The following OSBPL1A variants were observed in gnomAD, a reference collection of about 807,000 sequenced individuals.
OSBPL1A encodes oxysterol binding protein like 1A, also known as oxysterol-binding protein-related protein 1.
A neutral mutation model predicts 137.1 loss-of-function variants in OSBPL1A; 80 were observed. The observed-to-expected ratio is 0.58, with a 90% CI of 0.49 to 0.70. The LOEUF (loss-of-function observed/expected upper bound fraction) is 0.70, where lower values mean the gene tolerates loss of function less well. Among genes scored for constraint, OSBPL1A ranks in the 30% least tolerant of loss-of-function variants. The probability of loss-of-function intolerance (pLI) is 0.00; values close to 1 mark genes in which losing one functional copy is unlikely to be tolerated. For synonymous variants in OSBPL1A, 365 were observed against 389.7 expected (o/e 0.94, Z 0.75); for missense variants, 970 against 1,129.4 (o/e 0.86, Z 2.02).
At position 24,292,630 on chromosome 18, in the gene OSBPL1A, C is replaced by T. The variant is rs373141240; in HGVS notation, c.1174+11007G>A. 1.1e-4 allele frequency among the ~76,000 whole-genome samples: 16 copies of T among 152,224 alleles called. No individual in the cohort carries two copies. The South Asian group carries it at 2.9e-3, about 28-fold the overall frequency. ...CGGCAAACAGGTAAAAATCCCTGCC[C>T]TGAAGTTTATACCACGGTGGGAAAG... On this transcript the variant is annotated intron_variant, in intron 14 of 27. Coordinates refer to ENST00000319481, the MANE Select transcript of OSBPL1A (RefSeq NM_080597.4).
chr18:24,253,169 G>T (rs551191429), intron 15 of OSBPL1A, among the ~76,000 whole-genome samples: 2 of 141,758 alleles, frequency 1.4e-5, no homozygotes, highest in African/African-American at 5.1e-5. Context: ...AGACATGGCG[G>T]GGGGGGGCGC....
At chr18:24,380,746 G>A (rs1464963519) in intron 1 of OSBPL1A, among the ~76,000 whole-genome samples, 1 of 152,176 alleles carries the variant, frequency 6.6e-6, no homozygotes, top group Non-Finnish European at 1.5e-5. Flanking sequence ...GAGGTCAGGA[G>A]TTCGAGACCA....
At chr18:24,277,296 A>G (rs890315581) in intron 15 of OSBPL1A, among the ~76,000 whole-genome samples, 12 of 152,040 alleles carry the variant, frequency 7.9e-5, no homozygotes, top group African/African-American at 2.9e-4. Flanking sequence ...TAAAAAAAAA[A>G]GAAAAGAAAT....
chr18:24,346,188 C>G (rs1056999266), intron 4 of OSBPL1A, among the ~76,000 whole-genome samples: 3 of 152,172 alleles, frequency 2.0e-5, no homozygotes, highest in Non-Finnish European at 4.4e-5. Context: ...CCACTTTCCG[C>G]TCAGCAGTCA....
At chr18:24,300,715 A>C (rs1172180244) in intron 14 of OSBPL1A, among the ~76,000 whole-genome samples, 3 of 152,236 alleles carry the variant, frequency 2.0e-5, no homozygotes, top group African/African-American at 7.2e-5. Context: ...AACAATTACA[A>C]CTATAAGCTC....
intron 1 of OSBPL1A, among the ~76,000 whole-genome samples, chr18:24,391,159 A>C (rs1324364256): frequency 6.6e-6 from 1 of 152,200 alleles, no homozygotes; most frequent in Non-Finnish European, 1.5e-5. Context: ...CCTGGAATAC[A>C]TCATGCTAAG....
intron 4 of OSBPL1A, among the ~76,000 whole-genome samples, chr18:24,345,131 A>G (rs914416321): frequency 2.0e-5 from 3 of 148,564 alleles, no homozygotes; most frequent in African/African-American, 7.7e-5. Context: ...AAGAATGTTT[A>G]AAAAAAAATA....
At chr18:24,352,513 G>C (rs962562847) in intron 4 of OSBPL1A, among the ~76,000 whole-genome samples, 1 of 152,124 alleles carries the variant, frequency 6.6e-6, no homozygotes, top group Admixed American at 6.5e-5. Context: ...TAGATTCAAT[G>C]CCATCCCCAT....
intron 19 of OSBPL1A, 61 bp from the exon 20 acceptor site, chr18:24,179,896 G>T (rs770598147): frequency 2.6e-4 from 360 of 1,383,448 alleles, no homozygotes; most frequent in Non-Finnish European, 3.2e-4. Context: ...ATTCTTTTAG[G>T]AACTGAAATT....
intron 1 of OSBPL1A, among the ~76,000 whole-genome samples, chr18:24,390,864 T>C (rs1907303504): frequency 6.6e-6 from 1 of 151,400 alleles, no homozygotes; most frequent in South Asian, 2.1e-4. Flanking sequence ...CTTTGGGAAG[T>C]TGAGGTGGGC....
intron 14 of OSBPL1A, among the ~76,000 whole-genome samples, chr18:24,281,274 CG>C (rs1450981984): frequency 1.3e-5 from 2 of 151,936 alleles, no homozygotes; most frequent in South Asian, 2.1e-4. Flanking sequence ...TTAGTAGAGA[CG>C]GGGATTCACC....
intron 14 of OSBPL1A, among the ~76,000 whole-genome samples, chr18:24,294,363 C>T (rs1216267428): frequency 6.6e-6 from 1 of 151,980 alleles, no homozygotes; most frequent in Non-Finnish European, 1.5e-5. Flanking sequence ...TCCTGAGTAG[C>T]GGGGATTACA....
At chr18:24,169,990 C>A (rs1484156731) in intron 24 of OSBPL1A, among the ~76,000 whole-genome samples, 1 of 152,166 alleles carries the variant, frequency 6.6e-6, no homozygotes, top group African/African-American at 2.4e-5. Context: ...AATTTTAAAT[C>A]TTCAACAATT....
At chr18:24,224,619 T>C (rs1276330872) in intron 17 of OSBPL1A, among the ~76,000 whole-genome samples, 2 of 152,216 alleles carry the variant, frequency 1.3e-5, no homozygotes. Flanking sequence ...TTTAACTAAA[T>C]TGCATCAACA....
chr18:24,351,573 CTT>C (rs887433875), intron 4 of OSBPL1A, among the ~76,000 whole-genome samples: 1 of 152,098 alleles, frequency 6.6e-6, no homozygotes, highest in Non-Finnish European at 1.5e-5. Context: ...GAGTTTCGCT[CTT>C]GTCACCTAGG....
intron 5 of OSBPL1A, 74 bp downstream of exon 5, chr18:24,341,473 A>G: frequency 9.0e-7 from 1 of 1,111,106 alleles, no homozygotes; most frequent in South Asian, 1.3e-5. Flanking sequence ...CCTCTTTCTC[A>G]GAAGCCATTT....
Position 24,170,342 on chromosome 18 carries a change from C to T in OSBPL1A, c.2403G>A (p.Lys801=). 1 of 1,614,120 alleles carries T rather than the reference C, an allele frequency of 6.2e-7. No individual in the cohort carries two copies. Among genetic ancestry groups the T allele is most frequent in the Non-Finnish European group, 8.5e-7 (1 of 1,180,028 alleles). The change falls in exon 24 of 28, where the codon AAG becomes AAA. Residue 801 remains lysine, a synonymous_variant. Coordinates refer to ENST00000319481, the MANE Select transcript of OSBPL1A (RefSeq NM_080597.4). ...GGATGTTCACCTGTTTGCTGTTCTT[C>T]TTCTCTTCTGTATTTTTCTTATCAT... is the stretch of plus-strand genomic sequence containing the variant. ...KKNDKKNTEE[K]KNSKQMSTSE...
Position 24,177,600 on chromosome 18 carries a change from AAAG to A in OSBPL1A, c.2093+410_2093+412del, listed in dbSNP as rs1226940911. Among the ~76,000 whole-genome samples the A allele has an allele frequency of 9.8e-5, 15 of 152,378 alleles. No individual in the cohort carries two copies. In the East Asian group the frequency reaches 2.7e-3, roughly 27 times the overall value. On this transcript the variant is annotated intron_variant, in intron 21 of 27. Transcript: ENST00000319481. ...TTGTGGATTTAAAGCTAATCTTACAAAAGAAGAGAACTCCCAATTTATCTAACG... is the reference window on the plus strand; with the variant it reads ...TTGTGGATTTAAAGCTAATCTTACAAAAGAGAACTCCCAATTTATCTAACG...
intron 17 of OSBPL1A, among the ~76,000 whole-genome samples, chr18:24,221,615 G>A (rs1004556424): frequency 4.0e-5 from 6 of 151,896 alleles, no homozygotes; most frequent in East Asian, 1.9e-4. Context: ...TCTAGAATTC[G>A]TATTTACATT....
Sources: allele counts gnomAD v4.1 joint callset (sites outside exome capture counted in the v4.1 genomes callset), GRCh38; gene constraint gnomAD v4.1.1; transcripts MANE v1.5; gene names NCBI Gene and HGNC (gene_info 2026-07-23, HGNC 2026-07-21).